Variants in GRIK2 observed in about 807,000 individuals in gnomAD.
GRIK2 encodes the protein glutamate ionotropic receptor kainate type subunit 2, also known as glutamate receptor ionotropic, kainate 2.
Under a neutral mutation model 100.3 loss-of-function variants are expected in GRIK2, and 32 were observed. The observed-to-expected ratio is 0.32, with a 90% CI of 0.24 to 0.43. GRIK2 has a LOEUF of 0.43. GRIK2 is among the 20% of genes least tolerant of loss of function. The probability of loss-of-function intolerance (pLI) is 1.00; values close to 1 mark genes in which losing one functional copy is unlikely to be tolerated. For synonymous variants in GRIK2, 417 were observed against 389.4 expected (o/e 1.07, Z -0.83); for missense variants, 843 against 1,114.9 (o/e 0.76, Z 3.47).
intron 13 of GRIK2, among the ~76,000 whole-genome samples, chr6:101,925,461 T>C (rs77503061): frequency 0.013 from 2,031 of 151,718 alleles, 58 homozygotes; most frequent in African/African-American, 0.047. Context: ...CTATGGTTTC[T>C]TTTATTAATC....
chr6:101,793,878 T>C (rs187335426), intron 7 of GRIK2, among the ~76,000 whole-genome samples: 79 of 152,306 alleles, frequency 5.2e-4, no homozygotes, highest in Non-Finnish European at 9.3e-4. Flanking sequence ...TCAAGCTTCC[T>C]GGCTGCTTTG....
chr6:101,997,220 A>G (rs1794698273), intron 14 of GRIK2, among the ~76,000 whole-genome samples: 1 of 152,024 alleles, frequency 6.6e-6, no homozygotes, highest in Admixed American at 6.6e-5. Flanking sequence ...AAGTTGCACT[A>G]TTATTAGTCT....
intron 7 of GRIK2, among the ~76,000 whole-genome samples, chr6:101,688,114 T>C (rs538293833): frequency 6.8e-6 from 1 of 147,212 alleles, no homozygotes; most frequent in South Asian, 2.1e-4. Context: ...AATATTTAAA[T>C]ATTATATAAA....
chr6:101,515,900 T>C (rs559412636), intron 2 of GRIK2, among the ~76,000 whole-genome samples: 1 of 152,282 alleles, frequency 6.6e-6, no homozygotes, highest in Non-Finnish European at 1.5e-5. Context: ...CCTTTTGCCA[T>C]GCAAAAGCTC....
intron 2 of GRIK2, among the ~76,000 whole-genome samples, chr6:101,445,264 C>T (rs1770312438): frequency 6.6e-6 from 1 of 152,112 alleles, no homozygotes; most frequent in East Asian, 1.9e-4. Flanking sequence ...GTTTCCACCT[C>T]CTAAAAGCTG....
At chr6:101,935,832 C>T (rs542345400) in intron 14 of GRIK2, among the ~76,000 whole-genome samples, 49 of 152,010 alleles carry the variant, frequency 3.2e-4, no homozygotes, top group African/African-American at 1.1e-3. Context: ...TACTTGAGAA[C>T]CCCTCAATAT....
intron 7 of GRIK2, among the ~76,000 whole-genome samples, chr6:101,763,825 G>C (rs964450619): frequency 1.4e-5 from 2 of 143,180 alleles, no homozygotes; most frequent in African/African-American, 6.0e-5. Context: ...GAGGCCATGC[G>C]TTTTTTTGTT....
chr6:101,828,085 A>C lies in GRIK2; in HGVS notation c.1317+9602A>C, dbSNP rs115844632. Among the ~76,000 whole-genome samples the C allele has an allele frequency of 3.9e-3, 599 of 152,172 alleles. 3 individuals carry two copies. The highest frequency in any genetic ancestry group is 0.014 in the African/African-American group (568 of 41,578). On this transcript the variant is annotated intron_variant, in intron 10 of 16. Transcript: ENST00000369134. ...CTGAAATCACACCAAGCATCTTCTC[A>C]GAGCACAGTAGAATAAAAATAGAAA...
intron 10 of GRIK2, among the ~76,000 whole-genome samples, chr6:101,841,764 C>A (rs368720947): frequency 1.3e-5 from 2 of 152,160 alleles, no homozygotes; most frequent in Non-Finnish European, 2.9e-5. Flanking sequence ...GAAGCCCTTA[C>A]AAATATTTAT....
intron 7 of GRIK2, among the ~76,000 whole-genome samples, chr6:101,756,402 G>GGTTACATTTATAATCTACATTTATAAATT (rs1325791233): frequency 7.0e-6 from 1 of 142,756 alleles, no homozygotes; most frequent in Admixed American, 6.8e-5. Context: ...ATTTATAAAT[G>GGTTACATTTATAATCTACATTTATAAATT]GTTACATTTA....
At chr6:101,480,076 A>C (rs114190560) in intron 2 of GRIK2, among the ~76,000 whole-genome samples, 1 of 152,228 alleles carries the variant, frequency 6.6e-6, no homozygotes, top group African/African-American at 2.4e-5. Flanking sequence ...GATTTCTGCA[A>C]ATTTACAAAG....
intron 11 of GRIK2, among the ~76,000 whole-genome samples, chr6:101,887,456 T>TGA (rs1180855556): frequency 6.7e-6 from 1 of 149,674 alleles, no homozygotes; most frequent in Non-Finnish European, 1.5e-5. Context: ...TTGTGCTGTG[T>TGA]AGTCAACCCT....
chr6:101,918,467 A>G (rs778165298), intron 12 of GRIK2, among the ~76,000 whole-genome samples: 1 of 151,660 alleles, frequency 6.6e-6, no homozygotes, highest in Non-Finnish European at 1.5e-5. Context: ...TGAGTAGTAG[A>G]TTATTTTATA....
intron 11 of GRIK2, among the ~76,000 whole-genome samples, chr6:101,868,748 A>G (rs796647064): frequency 2.6e-5 from 4 of 152,012 alleles, no homozygotes; most frequent in African/African-American, 7.2e-5. Context: ...ATTAAATTGC[A>G]TAAAGTTTCT....
At chr6:101,459,371 C>T (rs1321397512) in intron 2 of GRIK2, among the ~76,000 whole-genome samples, 1 of 152,108 alleles carries the variant, frequency 6.6e-6, no homozygotes, top group South Asian at 2.1e-4. Context: ...ATTTAGTCTT[C>T]CATTTATAAG....
chr6:101,698,184 ACTAT>A (rs1562318309), intron 7 of GRIK2, among the ~76,000 whole-genome samples: 6 of 151,800 alleles, frequency 4.0e-5, no homozygotes, highest in Admixed American at 2.0e-4. Context: ...TTTTCATGAC[ACTAT>A]CTGAGTAATT....
intron 14 of GRIK2, among the ~76,000 whole-genome samples, chr6:101,967,997 G>C (rs1046798146): frequency 2.7e-5 from 4 of 149,268 alleles, no homozygotes; most frequent in Non-Finnish European, 4.4e-5. Context: ...GAAAATTAAA[G>C]TTCTATTGAC....
At chr6:102,061,402 A>T (rs1347480633) in intron 16 of GRIK2, among the ~76,000 whole-genome samples, 1 of 150,606 alleles carries the variant, frequency 6.6e-6, no homozygotes, top group Non-Finnish European at 1.5e-5. Flanking sequence ...CCAAGTTCAA[A>T]GATGCCTAGT....
intron 2 of GRIK2, among the ~76,000 whole-genome samples, chr6:101,475,437 T>C (rs564892837): frequency 6.6e-6 from 1 of 152,130 alleles, no homozygotes; most frequent in African/African-American, 2.4e-5. Context: ...ATTAGGCTAA[T>C]AAAAAGTTGT....
Sources: allele counts gnomAD v4.1 joint callset (sites outside exome capture counted in the v4.1 genomes callset), GRCh38; gene constraint gnomAD v4.1.1; transcripts MANE v1.5; gene names NCBI Gene and HGNC (gene_info 2026-07-23, HGNC 2026-07-21).